The following LTV1 variants were observed in gnomAD, a reference collection of about 807,000 sequenced individuals.
The protein encoded by LTV1 is LTV1 ribosome biogenesis factor, also known as protein LTV1 homolog.
Under a neutral mutation model 59.9 loss-of-function variants are expected in LTV1, and 39 were observed. The ratio of observed to expected loss-of-function variants is 0.65; its 90% CI spans 0.50 to 0.85. The LOEUF is 0.85. LTV1 is among the 40% of genes least tolerant of loss of function. The probability of loss-of-function intolerance (pLI) is 0.00; values close to 1 mark genes in which losing one functional copy is unlikely to be tolerated. For missense variants in LTV1, 493 were observed against 549.1 expected (o/e 0.90, Z 1.02); for synonymous variants, 171 against 189.5 (o/e 0.90, Z 0.80).
Position 143,863,502 on chromosome 6 carries a change from AG to A in LTV1, c.1404del (p.Asn469MetfsTer5), listed in dbSNP as rs1354717217. On this transcript the variant is annotated frameshift_variant, in exon 11 of 11. Transcript: ENST00000367576. LOFTEE classifies it high-confidence loss of function. The surrounding 1 kb of genome is among the most constrained non-coding windows in gnomAD (Gnocchi z 4.5). The stretch of plus-strand genomic sequence containing the variant: ...GAAAAAGAGCTGCTGAACTTGAAGA[AG>A]AATGTTGAGGGTCTAAAGCTATAGA... ...RQEKELLNLK[K>X]NVEGLKL 1.9e-6 allele frequency: 3 copies of A among 1,613,526 alleles called. No individual in the cohort carries two copies. Among genetic ancestry groups the A allele is most frequent in the Non-Finnish European group, 2.5e-6 (3 of 1,179,726 alleles).
chr6:143,853,741 C>G (rs1000637476), intron 4 of LTV1, among the ~76,000 whole-genome samples: 1 of 152,132 alleles, frequency 6.6e-6, no homozygotes, highest in African/African-American at 2.4e-5. Flanking sequence ...TGGTTTTTGT[C>G]ATTGGTTCTG....
chr6:143,851,423 C>T (rs77807276), intron 4 of LTV1, among the ~76,000 whole-genome samples: 82 of 151,656 alleles, frequency 5.4e-4, no homozygotes, highest in Admixed American at 1.7e-3. Context: ...AAAAATTGTT[C>T]GAGTTATTTT....
chr6:143,860,060 G>A (rs530212087), intron 6 of LTV1, among the ~76,000 whole-genome samples: 2 of 152,188 alleles, frequency 1.3e-5, no homozygotes, highest in Non-Finnish European at 2.9e-5. Context: ...CTATGATCAC[G>A]CCACTGTACT....
At chr6:143,860,267 A>G (rs1309649265) in intron 6 of LTV1, among the ~76,000 whole-genome samples, 159 bp from the exon 7 acceptor site, 8 of 152,164 alleles carry the variant, frequency 5.3e-5, no homozygotes, top group Non-Finnish European at 1.0e-4. Flanking sequence ...TCCACATCCT[A>G]TTGTTGCATT....
At chr6:143,849,067 A>G (rs974461388) in intron 3 of LTV1, among the ~76,000 whole-genome samples, 1 of 152,218 alleles carries the variant, frequency 6.6e-6, no homozygotes, top group Non-Finnish European at 1.5e-5. Flanking sequence ...GAGACCTGTC[A>G]GAAACTCAAG....
At position 143,857,538 on chromosome 6, in the gene LTV1, T is replaced by A; in HGVS notation, c.539+94T>A. On this transcript the variant is annotated intron_variant, in intron 5 of 10. Transcript: ENST00000367576. This position sits in a 1 kb window ranked among gnomAD's most constrained non-coding sequence, Gnocchi z 5.2. ...TAGAACGTTACAGTTGGAAGAGACCTTCAAGAGCATTTAATCTGAGACTTC... is the reference window on the plus strand; with the variant it reads ...TAGAACGTTACAGTTGGAAGAGACCATCAAGAGCATTTAATCTGAGACTTC... The A allele has an allele frequency of 8.3e-7, 1 of 1,207,554 alleles. No individual in the cohort carries two copies. Among genetic ancestry groups the A allele is most frequent in the Non-Finnish European group, 1.2e-6 (1 of 840,186 alleles). The allele number at this position is 1,207,554 out of a possible 1,614,324, so 74.8% of individuals were successfully genotyped here. A position where few individuals can be genotyped will look rare whatever the true frequency, so the allele number is the denominator to read the frequency against.
rs748814348 is a variant in LTV1, at chr6:143,846,008, T to G, written c.136-43T>G. 5 of 1,590,132 alleles carry G rather than the reference T, an allele frequency of 3.1e-6. No individual in the cohort carries two copies. The African/African-American group carries it at 6.7e-5, about 21-fold the overall frequency. The stretch of plus-strand genomic sequence containing the variant: ...TGGAAGGCTTACTGATTCCATTTTG[T>G]TTATAGATAGTGAAGAAAGTACTAA... On this transcript the variant is annotated intron_variant, in intron 2 of 10. Coordinates refer to ENST00000367576, the MANE Select transcript of LTV1 (RefSeq NM_032860.5).
intron 2 of LTV1, among the ~76,000 whole-genome samples, chr6:143,844,876 A>G (rs746810990): frequency 3.3e-5 from 5 of 152,212 alleles, no homozygotes; most frequent in African/African-American, 1.2e-4. Context: ...GAAATAATCT[A>G]TAAGTTAATT....
chr6:143,844,678 T>C (rs1004490687), intron 2 of LTV1, 61 bp downstream of exon 2: 2 of 1,538,124 alleles, frequency 1.3e-6, no homozygotes, highest in Non-Finnish European at 8.8e-7. Flanking sequence ...TTTTCTTTTT[T>C]TTTTTTTAAA....
rs1777087332 is a variant in LTV1, at chr6:143,857,011, G to C, written c.398-292G>C. Among the ~76,000 whole-genome samples the C allele has an allele frequency of 6.6e-6, 1 of 152,236 alleles. No individual in the cohort carries two copies. The highest frequency in any genetic ancestry group is 2.4e-5 in the African/African-American group (1 of 41,462). ...TCAGAGCCGGCAGGCAGGAACGTTTGAGTCTGCTGAAGCTGTGCCCACAGC... is the reference window on the plus strand; with the variant it reads ...TCAGAGCCGGCAGGCAGGAACGTTTCAGTCTGCTGAAGCTGTGCCCACAGC... On this transcript the variant is annotated intron_variant, in intron 4 of 10. Transcript: ENST00000367576. This position sits in a 1 kb window ranked among gnomAD's most constrained non-coding sequence, Gnocchi z 5.2.
Position 143,846,058 on chromosome 6 carries a change from A to G in LTV1, c.143A>G (p.Asn48Ser), listed in dbSNP as rs41285029. Reference protein sequence around the residue: ...RVLLPTQKIDNEERRAEQRKY... With the variant: ...RVLLPTQKIDSEERRAEQRKY... ...ATTCCATTTCGTTTATAGATAGACA[A>G]TGAAGAAAGGCGAGCAGAACAGAGG... The change falls in exon 3 of 11, where the codon AAT becomes AGT. Residue 48 changes from asparagine (N) to serine (S), a missense_variant. Coordinates refer to ENST00000367576, the MANE Select transcript of LTV1 (RefSeq NM_032860.5). The G allele has an allele frequency of 6.1e-4, 976 of 1,612,636 alleles. 2 individuals are homozygous for G. The highest frequency in any genetic ancestry group is 1.7e-3 in the Admixed American group (101 of 59,610).
At chr6:143,856,124 G>C (rs767288715) in intron 4 of LTV1, among the ~76,000 whole-genome samples, 10 of 152,200 alleles carry the variant, frequency 6.6e-5, no homozygotes, top group African/African-American at 9.7e-5. Context: ...TGGAGGCTTT[G>C]TTCGTTCCTT....
chr6:143,862,031 T>A lies in LTV1; in HGVS notation c.924-73T>A. 6.8e-7 allele frequency: 1 copy of A among 1,478,686 alleles called. No homozygotes were observed. The highest frequency in any genetic ancestry group is 9.2e-7 in the Non-Finnish European group (1 of 1,090,842). The allele number at this position is 1,478,686 out of a possible 1,614,324, so 91.6% of individuals were successfully genotyped here. ...GTTTTTCCACAGCTAAAAATTGCAG[T>A]TTTAGTGACATAGTATAATAATAGG... On this transcript the variant is annotated intron_variant, in intron 7 of 10. Transcript: ENST00000367576. This position sits in a 1 kb window ranked among gnomAD's most constrained non-coding sequence, Gnocchi z 4.2.
intron 7 of LTV1, among the ~76,000 whole-genome samples, chr6:143,861,898 C>T (rs1044656326): frequency 1.3e-5 from 2 of 152,120 alleles, no homozygotes; most frequent in Non-Finnish European, 2.9e-5. Flanking sequence ...TTCCTATCAG[C>T]CGAGTGAATG....
At chr6:143,858,265 C>T in intron 6 of LTV1, 1 of 386,144 alleles carries the variant, frequency 2.6e-6, no homozygotes, top group Non-Finnish European at 4.9e-6. Context: ...TGTGACTTTT[C>T]CAATTTACAT....
rs1776855189 is a variant in LTV1 at position 143,844,478 on chromosome 6, C to T, written c.4-8C>T. The T allele has an allele frequency of 6.2e-7, 1 of 1,611,758 alleles. No individual in the cohort carries two copies. The highest frequency in any genetic ancestry group is 1.3e-5 in the African/African-American group (1 of 74,648). On this transcript the variant is annotated splice_region_variant and splice_polypyrimidine_tract_variant and intron_variant, in intron 1 of 10. Coordinates refer to ENST00000367576, the MANE Select transcript of LTV1 (RefSeq NM_032860.5). ...TTAATTAATTGTTGTGATTTTGTTC[C>T]TTTGAAGCCTCACAGGAAGAAAAAG...
At chr6:143,848,695 C>T (rs1776936661) in intron 3 of LTV1, among the ~76,000 whole-genome samples, 1 of 152,148 alleles carries the variant, frequency 6.6e-6, no homozygotes, top group Admixed American at 6.5e-5. Flanking sequence ...TGTAGGCTAG[C>T]AAGCACATGT....
At position 143,857,928 on chromosome 6, in the gene LTV1, G is replaced by A. The variant is rs370827090; in HGVS notation, c.716G>A (p.Arg239His). 1.0e-4 allele frequency: 168 copies of A among 1,614,090 alleles called. No homozygotes were observed. Among genetic ancestry groups the A allele is most frequent in the Admixed American group, 4.7e-4 (28 of 60,020 alleles). ...TTCTGGAGTGAGGAAACAAAGAGTCGCTTCACGGAGTATTCGATGACTTCC... is the reference window on the plus strand; with the variant it reads ...TTCTGGAGTGAGGAAACAAAGAGTCACTTCACGGAGTATTCGATGACTTCC... ...HLFWSEETKS[R>H]FTEYSMTSSV... The change falls in exon 6 of 11, where the codon CGC (arginine) becomes CAC (histidine). Residue 239 changes from arginine (R) to histidine (H), a missense_variant. By Grantham distance (29) the Arg-to-His change is conservative (BLOSUM62 0). Transcript: ENST00000367576. This position sits in a 1 kb window ranked among gnomAD's most constrained non-coding sequence, Gnocchi z 5.2.
At position 143,858,199 on chromosome 6, in the gene LTV1, A is replaced by C. The variant is rs6924651; in HGVS notation, c.795+192A>C. ...GGGTATCAGTGCAGTACAGGAGCAC[A>C]AAGACTGCAAAGGGAGCATAGAACT... On this transcript the variant is annotated intron_variant, in intron 6 of 10. Transcript: ENST00000367576. The C allele has an allele frequency of 1.0e-3, 630 of 616,118 alleles. 5 individuals are homozygous for C. The African/African-American group carries it at 0.01, about 10-fold the overall frequency. 38.2% of individuals were successfully genotyped at this position (616,118 alleles called of 1,614,324 possible). A position where few individuals can be genotyped will look rare whatever the true frequency, so the allele number is the denominator to read the frequency against.
Sources: gnomAD v4.1 joint callset for allele counts (sites outside exome capture counted in the v4.1 genomes callset) on GRCh38, gnomAD v4.1.1 for gene constraint, Gnocchi (gnomAD v3.1) non-coding constraint, MANE v1.5 for transcripts, NCBI Gene and HGNC (gene_info 2026-07-23, HGNC 2026-07-21) for gene names.